PDE1C: variants seen among roughly 807,000 people sequenced by gnomAD.
The protein encoded by PDE1C is dual specificity calcium/calmodulin-dependent 3',5'-cyclic nucleotide phosphodiesterase 1C.
A neutral mutation model predicts 93.1 loss-of-function variants in PDE1C; 62 were observed. The ratio of observed to expected loss-of-function variants is 0.67; its 90% CI spans 0.54 to 0.82. The LOEUF (loss-of-function observed/expected upper bound fraction) is 0.82. Ranked by LOEUF, PDE1C falls within the 40% of genes least tolerant of loss-of-function variation. PDE1C has a pLI of 0.00. For missense variants in PDE1C, 742 were observed against 884.6 expected (o/e 0.84, Z 2.04); for synonymous variants, 325 against 310.1 (o/e 1.05, Z -0.50).
At chr7:32,165,329 C>A (rs1254407336) in intron 3 of PDE1C, among the ~76,000 whole-genome samples, 2 of 152,190 alleles carry the variant, frequency 1.3e-5, no homozygotes, top group Non-Finnish European at 2.9e-5. Context: ...CCTCTCCAAA[C>A]CCCAGGAAGG....
At chr7:32,002,184 G>A (rs1357712860) in intron 2 of PDE1C, among the ~76,000 whole-genome samples, 2 of 152,180 alleles carry the variant, frequency 1.3e-5, no homozygotes, top group Admixed American at 1.3e-4. Context: ...CTATTTCATT[G>A]TACACATATG....
At chr7:32,298,786 G>T in exon 1 of PDE1C, 1 of 1,544,236 alleles carries the variant, frequency 6.5e-7, no homozygotes, top group Non-Finnish European at 8.7e-7. Context: ...GGCGTCTGCG[G>T]TCCCCCCCAC....
chr7:32,053,610 T>G (rs1167021621), intron 1 of PDE1C, among the ~76,000 whole-genome samples: 1 of 152,072 alleles, frequency 6.6e-6, no homozygotes, highest in Non-Finnish European at 1.5e-5. Flanking sequence ...GCCCAACTAA[T>G]CCTATCAGCA....
chr7:31,825,005 T>C lies in PDE1C; in HGVS notation c.1286-18A>G. On this transcript the variant is annotated intron_variant, in intron 12 of 17. Transcript: ENST00000396191. ...AATGAAACCTGAAGAGAAACAGCAA[T>C]GCTTCAGAGGAACCACATATTACCT... The C allele has an allele frequency of 6.2e-7, 1 of 1,612,920 alleles. No homozygotes were observed. The highest frequency in any genetic ancestry group is 8.5e-7 in the Non-Finnish European group (1 of 1,179,166).
At chr7:31,850,812 C>G (rs1024499228) in intron 7 of PDE1C, 71 bp from the exon 8 acceptor site, 8 of 1,065,422 alleles carry the variant, frequency 7.5e-6, no homozygotes, top group Non-Finnish European at 1.2e-5. Flanking sequence ...TGACAACACA[C>G]CCACAGTGCT....
At chr7:32,218,782 G>T (rs1806621046) in intron 1 of PDE1C, among the ~76,000 whole-genome samples, 1 of 152,136 alleles carries the variant, frequency 6.6e-6, no homozygotes, top group East Asian at 1.9e-4. Context: ...TCAATTCCTT[G>T]CTCCCTTTCC....
At chr7:32,184,550 C>CA (rs1383306020) in intron 2 of PDE1C, among the ~76,000 whole-genome samples, 3 of 151,936 alleles carry the variant, frequency 2.0e-5, no homozygotes, top group South Asian at 2.1e-4. Context: ...ATTGCAAGGA[C>CA]AAAAAACCAA....
chr7:32,114,824 CA>C (rs144538307), intron 3 of PDE1C, among the ~76,000 whole-genome samples: 105,535 of 151,908 alleles, frequency 0.69, 37,234 homozygotes, highest in Middle Eastern at 0.81. Context: ...AGACACTTCT[CA>C]AAAAAAAGAC....
chr7:31,687,818 A>G, the PDE1C span, among the ~76,000 whole-genome samples: 1 of 152,216 alleles, frequency 6.6e-6, no homozygotes, highest in African/African-American at 2.4e-5. Context: ...TTAACGAGAT[A>G]CCACATAGGC....
intron 7 of PDE1C, among the ~76,000 whole-genome samples, chr7:31,857,851 T>C (rs1170821136): frequency 6.6e-6 from 1 of 152,202 alleles, no homozygotes; most frequent in Non-Finnish European, 1.5e-5. Context: ...TTTCAAAACG[T>C]GTAGGTACAT....
intron 1 of PDE1C, among the ~76,000 whole-genome samples, chr7:32,258,242 T>C (rs927491227): frequency 2.6e-5 from 4 of 152,220 alleles, no homozygotes; most frequent in Non-Finnish European, 4.4e-5. Flanking sequence ...TTAGATTATA[T>C]GTGTCTTCAA....
chr7:31,980,534 A>G (rs1324828923), intron 2 of PDE1C, among the ~76,000 whole-genome samples: 3 of 152,192 alleles, frequency 2.0e-5, no homozygotes, highest in Non-Finnish European at 4.4e-5. Flanking sequence ...GGAAATGATC[A>G]CAAGCAGGTT....
chr7:32,237,648 C>T (rs956006286), intron 1 of PDE1C, among the ~76,000 whole-genome samples: 3 of 150,452 alleles, frequency 2.0e-5, no homozygotes, highest in African/African-American at 4.9e-5. Context: ...ATCTACTAGA[C>T]ACCTACCAAG....
intron 2 of PDE1C, among the ~76,000 whole-genome samples, chr7:32,177,854 T>C (rs1222884545): frequency 6.6e-6 from 1 of 152,166 alleles, no homozygotes; most frequent in Non-Finnish European, 1.5e-5. Flanking sequence ...GGCCTTACTG[T>C]ATTTAATAAT....
At chr7:32,127,162 T>G (rs189070130) in intron 3 of PDE1C, among the ~76,000 whole-genome samples, 23 of 152,310 alleles carry the variant, frequency 1.5e-4, no homozygotes, top group Admixed American at 8.5e-4. Context: ...TTTCTGGGTC[T>G]TTAGCCTGCC....
chr7:32,177,610 C>T (rs1414629837), intron 2 of PDE1C, among the ~76,000 whole-genome samples: 1 of 152,100 alleles, frequency 6.6e-6, no homozygotes, highest in Non-Finnish European at 1.5e-5. Context: ...CCTTAATTAC[C>T]CCAAGACCAC....
At chr7:31,655,064 T>C in the PDE1C span, among the ~76,000 whole-genome samples, 1 of 152,150 alleles carries the variant, frequency 6.6e-6, no homozygotes, top group African/African-American at 2.4e-5. Flanking sequence ...TCTCCAAGCA[T>C]CTATGACCCT....
chr7:32,336,471 G>C (rs1783628466), intron 1 of PDE1C, among the ~76,000 whole-genome samples: 1 of 152,140 alleles, frequency 6.6e-6, no homozygotes, highest in Non-Finnish European at 1.5e-5. Context: ...TGAAACTAGT[G>C]ATTAGAAACA....
At chr7:31,808,206 A>C (rs1303316923) in intron 16 of PDE1C, 1 of 491,096 alleles carries the variant, frequency 2.0e-6, no homozygotes, top group South Asian at 1.5e-5. Flanking sequence ...GATTCAAAGA[A>C]GAGTTTAGCA....
Sources: allele counts gnomAD v4.1 joint callset (sites outside exome capture counted in the v4.1 genomes callset), GRCh38; gene constraint gnomAD v4.1.1; transcripts MANE v1.5; gene names NCBI Gene and HGNC (gene_info 2026-07-23, HGNC 2026-07-21).